The following SLIT3 variants were observed in gnomAD, a reference collection of about 807,000 sequenced individuals.
SLIT3 encodes the protein slit homolog 3 protein.
A neutral mutation model predicts 184.0 loss-of-function variants in SLIT3; 68 were observed. The ratio of observed to expected loss-of-function variants is 0.37; its 90% confidence interval spans 0.30 to 0.45. The LOEUF is 0.45. Ranked by LOEUF, SLIT3 falls within the 20% of genes least tolerant of loss-of-function variation. SLIT3 has a pLI of 1.00. For synonymous variants in SLIT3, 831 were observed against 828.6 expected (o/e 1.00, Z -0.05); for missense variants, 1,707 against 2,026.0 (o/e 0.84, Z 3.02).
In SLIT3 at chr5:168,666,575, G is replaced by A. The variant is rs759489274; in HGVS notation, c.4451C>T (p.Pro1484Leu). ...PIMECRGGCG[P>L]QCCQPTRSKR... Reference sequence around the variant, plus strand: ...GCTGCGGGTGGGCTGGCAGCACTGGGGCCCACAGCCCCCACGACATTCCAT... The same window carrying A: ...GCTGCGGGTGGGCTGGCAGCACTGGAGCCCACAGCCCCCACGACATTCCAT... The change falls in exon 36 of 36, where the codon CCC becomes CTC. Residue 1484 changes from proline (P) to leucine (L), a missense_variant. Physicochemically the swap from Pro to Leu is moderately conservative, Grantham distance 98. This residue lies in a region of SLIT3 where 387 missense variants were observed against 477.9 expected (regional missense o/e 0.81). Coordinates refer to ENST00000519560, the MANE Select transcript of SLIT3 (RefSeq NM_003062.4). 6.2e-7 allele frequency: 1 copy of A among 1,614,140 alleles called. No individual in the cohort carries two copies. Among genetic ancestry groups the A allele is most frequent in the Non-Finnish European group, 8.5e-7 (1 of 1,180,018 alleles).
chr5:168,776,827 G>C (rs1755766646), intron 12 of SLIT3, among the ~76,000 whole-genome samples: 1 of 152,036 alleles, frequency 6.6e-6, no homozygotes, highest in Admixed American at 6.5e-5. Flanking sequence ...CACACACACA[G>C]TGTTTTGATT....
chr5:168,971,119 G>A (rs572968933), intron 4 of SLIT3, among the ~76,000 whole-genome samples: 1 of 152,306 alleles, frequency 6.6e-6, no homozygotes, highest in African/African-American at 2.4e-5. Flanking sequence ...TGGAGAAATT[G>A]TACAAATGAG....
chr5:168,789,902 C>T (rs59442964), intron 10 of SLIT3: 12,421 of 398,012 alleles, frequency 0.031, 1,267 homozygotes, highest in African/African-American at 0.22. Flanking sequence ...GCTGTGAACA[C>T]GTGAACCATC....
chr5:168,778,287 C>T (rs776161079), intron 12 of SLIT3, among the ~76,000 whole-genome samples: 27 of 152,226 alleles, frequency 1.8e-4, no homozygotes, highest in African/African-American at 5.1e-4. Flanking sequence ...AGAGTGGTGA[C>T]GGACTCAACC....
At chr5:168,954,433 T>G (rs1762754779) in intron 4 of SLIT3, among the ~76,000 whole-genome samples, 1 of 152,130 alleles carries the variant, frequency 6.6e-6, no homozygotes. Context: ...GCATAAACAC[T>G]AGGACTCTCC....
chr5:168,737,143 A>T (rs1055449715), intron 20 of SLIT3, among the ~76,000 whole-genome samples: 4 of 152,068 alleles, frequency 2.6e-5, no homozygotes, highest in African/African-American at 9.7e-5. Context: ...TTCCCAGAGC[A>T]CATATTGCCT....
At chr5:168,978,157 C>T (rs1481180329) in intron 4 of SLIT3, among the ~76,000 whole-genome samples, 1 of 152,164 alleles carries the variant, frequency 6.6e-6, no homozygotes. Context: ...ATGAGCCAAA[C>T]CCAAGAGGAA....
At chr5:168,739,130 A>C (rs190202234) in intron 20 of SLIT3, among the ~76,000 whole-genome samples, 2 of 152,194 alleles carry the variant, frequency 1.3e-5, no homozygotes, top group African/African-American at 4.8e-5. Context: ...ATATTGTATA[A>C]TGAAATGTGT....
chr5:169,185,576 T>C (rs1355250802), intron 4 of SLIT3, among the ~76,000 whole-genome samples: 1 of 152,370 alleles, frequency 6.6e-6, no homozygotes, highest in Non-Finnish European at 1.5e-5. Context: ...TTTTCACTTT[T>C]ATAGCACTGT....
chr5:168,738,927 G>T (rs1763524573), intron 20 of SLIT3, among the ~76,000 whole-genome samples: 1 of 93,910 alleles, frequency 1.1e-5, no homozygotes, highest in Non-Finnish European at 1.9e-5. Flanking sequence ...GAAAGAGCAA[G>T]ACTCCATCTC....
At chr5:169,084,169 G>T (rs1759185637) in intron 4 of SLIT3, among the ~76,000 whole-genome samples, 1 of 152,076 alleles carries the variant, frequency 6.6e-6, no homozygotes. Context: ...CAGCCTTCTA[G>T]CCTAGGCTCC....
intron 20 of SLIT3, among the ~76,000 whole-genome samples, chr5:168,734,816 A>T (rs1292510681): frequency 1.3e-5 from 2 of 152,160 alleles, no homozygotes; most frequent in Non-Finnish European, 2.9e-5. Context: ...GCAACAGCAG[A>T]TGCTCAGGAA....
chr5:168,906,964 G>T (rs1220095377), intron 4 of SLIT3, among the ~76,000 whole-genome samples: 5 of 151,934 alleles, frequency 3.3e-5, no homozygotes. Flanking sequence ...AGGTTCAAGC[G>T]ATTCTCCTGC....
At chr5:168,717,262 A>G (rs1180098800) in intron 23 of SLIT3, among the ~76,000 whole-genome samples, 2 of 138,560 alleles carry the variant, frequency 1.4e-5, no homozygotes, top group African/African-American at 5.6e-5. Context: ...TGAAATGGGG[A>G]TAACAGCGGT....
At chr5:169,224,385 A>AT (rs79007664) in intron 3 of SLIT3, among the ~76,000 whole-genome samples, 3 of 64,856 alleles carry the variant, frequency 4.6e-5, no homozygotes, top group African/African-American at 9.5e-5. Context: ...TTATTTATTT[A>AT]TTTTTTTTGA....
At chr5:169,045,847 T>A (rs1279686974) in intron 4 of SLIT3, among the ~76,000 whole-genome samples, 1 of 152,130 alleles carries the variant, frequency 6.6e-6, no homozygotes, top group East Asian at 1.9e-4. Flanking sequence ...CGAGTCAGAT[T>A]GTTAAGTTTG....
chr5:168,749,460 C>T lies in SLIT3; in HGVS notation c.2137+12G>A. ...GGCCTTCCCCGCAGACCTTGACCCACAGCCTTCTTACCATCACAGGTGAAG... is the reference window on the plus strand; with the variant it reads ...GGCCTTCCCCGCAGACCTTGACCCATAGCCTTCTTACCATCACAGGTGAAG... On this transcript the variant is annotated intron_variant, in intron 19 of 35. Coordinates refer to ENST00000519560, the MANE Select transcript of SLIT3 (RefSeq NM_003062.4). 6.2e-7 allele frequency: 1 copy of T among 1,614,066 alleles called. No homozygotes were observed. Among genetic ancestry groups the T allele is most frequent in the Non-Finnish European group, 8.5e-7 (1 of 1,179,932 alleles).
intron 3 of SLIT3, among the ~76,000 whole-genome samples, chr5:169,232,499 A>G (rs1215452012): frequency 3.9e-5 from 6 of 152,236 alleles, no homozygotes; most frequent in Non-Finnish European, 7.3e-5. Flanking sequence ...TGCTGAGATT[A>G]CAGGCACAAA....
At chr5:169,011,103 T>A (rs1482831952) in intron 4 of SLIT3, among the ~76,000 whole-genome samples, 2 of 152,078 alleles carry the variant, frequency 1.3e-5, no homozygotes, top group Non-Finnish European at 2.9e-5. Context: ...GCCGAAGCTA[T>A]AACCAACACC....
Sources: allele counts gnomAD v4.1 joint callset (sites outside exome capture counted in the v4.1 genomes callset), GRCh38; gene constraint gnomAD v4.1.1; regional missense constraint gnomAD v4.1.1; transcripts MANE v1.5; gene names NCBI Gene and HGNC (gene_info 2026-07-23, HGNC 2026-07-21).